PDGFB: variants seen among roughly 807,000 people sequenced by gnomAD.
PDGFB encodes platelet derived growth factor subunit B, also known as platelet-derived growth factor subunit B.
In PDGFB, 6 loss-of-function variants were observed where a neutral mutation model predicts 29.0. The ratio of observed to expected loss-of-function variants is 0.21; its 90% CI spans 0.11 to 0.41. PDGFB has a LOEUF of 0.41. Among genes scored for constraint, PDGFB ranks in the 10% least tolerant of loss-of-function variants. The pLI is 1.00. For synonymous variants in PDGFB, 144 were observed against 140.8 expected, an observed-to-expected ratio of 1.02 and a Z score of -0.16; for missense variants, 299 against 341.8, an observed-to-expected ratio of 0.87 and a Z score of 0.99.
chr22:39,226,986 G>T (rs4990921), intron 5 of PDGFB, among the ~76,000 whole-genome samples: 56,599 of 152,138 alleles, frequency 0.37, 11,060 homozygotes, highest in Middle Eastern at 0.49. Context: ...TAAGATGGAG[G>T]CTCACTCTGT....
At chr22:39,228,157 A>G (rs960680871) in intron 5 of PDGFB, among the ~76,000 whole-genome samples, 1 of 127,354 alleles carries the variant, frequency 7.9e-6, no homozygotes, top group East Asian at 3.8e-4. Flanking sequence ...GGTGACAGAA[A>G]CACCGTCATA....
chr22:39,238,002 C>T (rs1327888522), intron 1 of PDGFB, among the ~76,000 whole-genome samples: 1 of 152,166 alleles, frequency 6.6e-6, no homozygotes, highest in Admixed American at 6.6e-5. Context: ...GGCCCAAAGG[C>T]CTAGTAGCAA....
Position 39,243,781 on chromosome 22 carries a change from G to A in PDGFB, c.63+120C>T, listed in dbSNP as rs965872029. ...AGCCCGAAGAGGTCACCCAGCGCCC[G>A]GCGTCAGGCTCGCGGGCTGCAAGGG... On this transcript the variant is annotated intron_variant, in intron 1 of 6. Coordinates refer to ENST00000331163, the MANE Select transcript of PDGFB (RefSeq NM_002608.4). The surrounding 1 kb of genome is among the most constrained non-coding windows in gnomAD (Gnocchi z 6.4). 7.0e-6 allele frequency: 5 copies of A among 714,102 alleles called. No individual in the cohort carries two copies. The African/African-American group carries it at 7.4e-5, about 11-fold the overall frequency. 44.2% of individuals were successfully genotyped at this position (714,102 alleles called of 1,614,324 possible).
chr22:39,233,472 G>T lies in PDGFB; in HGVS notation c.213C>A (p.Gly71=). ...TTCCACGAGCCAAGCTCTCCAGCTC[G>T]CCTCCAGAGTGGGAGCGGGTCATGT... ...DLNMTRSHSG[G]ELESLARGRR... The change falls in exon 3 of 7, where the codon GGC becomes GGA. Residue 71 remains glycine, a synonymous_variant. Transcript: ENST00000331163. 2 of 1,593,066 alleles carry T rather than the reference G, an allele frequency of 1.3e-6. No homozygotes were observed. The highest frequency in any genetic ancestry group is 1.7e-6 in the Non-Finnish European group (2 of 1,170,724).
chr22:39,235,542 T>C lies in PDGFB; in HGVS notation c.160+236A>G, dbSNP rs879180. Among the ~76,000 whole-genome samples the C allele has an allele frequency of 0.78, 118,891 of 152,150 alleles. 46,677 individuals carry two copies. The highest frequency in any genetic ancestry group is 0.9 in the East Asian group (4,658 of 5,158). The stretch of plus-strand genomic sequence containing the variant: ...CTCCCTCCTCCTGGCACCCCACCCT[T>C]GGCACCAAGCCGGAGCCACACGTGG... On this transcript the variant is annotated intron_variant, in intron 2 of 6. Coordinates refer to ENST00000331163, the MANE Select transcript of PDGFB (RefSeq NM_002608.4).
At chr22:39,236,290 G>A (rs948719227) in intron 1 of PDGFB, among the ~76,000 whole-genome samples, 1 of 152,214 alleles carries the variant, frequency 6.6e-6, no homozygotes, top group Non-Finnish European at 1.5e-5. Flanking sequence ...GAAAACAAAC[G>A]TTCAAAGAGA....
rs1409734750 is a variant in PDGFB, at chr22:39,224,732, G to A, written c.*610C>T. On this transcript the variant is annotated 3_prime_UTR_variant, in exon 7 of 7. Transcript: ENST00000331163. ...GCCACACCCACCAAGAGGAGTCCAC[G>A]TCTTCAAAACGAAAACGAAAAGAAG... is the stretch of plus-strand genomic sequence containing the variant. 2.6e-5 allele frequency: 4 copies of A among 152,404 alleles called. No individual in the cohort carries two copies. The highest frequency in any genetic ancestry group is 2.1e-4 in the South Asian group (1 of 4,806). 9.4% of individuals were successfully genotyped at this position (152,404 alleles called of 1,614,324 possible).
At position 39,242,760 on chromosome 22, in the gene PDGFB, A is replaced by T. The variant is rs987879703; in HGVS notation, c.63+1141T>A. Among the ~76,000 whole-genome samples the T allele has an allele frequency of 7.2e-5, 11 of 151,932 alleles. No homozygotes were observed. The highest frequency in any genetic ancestry group is 1.2e-4 in the Non-Finnish European group (8 of 67,940). On this transcript the variant is annotated intron_variant, in intron 1 of 6. Coordinates refer to ENST00000331163, the MANE Select transcript of PDGFB (RefSeq NM_002608.4). This position sits in a 1 kb window ranked among gnomAD's most constrained non-coding sequence, Gnocchi z 5.7. ...CTGCCTCCTTCCTGCGCCTGGCTGG[A>T]GGCCGCAGGGGCCGACCCTCCCCGG...
intron 5 of PDGFB, 88 bp from the exon 6 acceptor site, chr22:39,225,935 G>T: frequency 6.8e-7 from 1 of 1,470,160 alleles, no homozygotes. Flanking sequence ...GGACCTTCTG[G>T]GCTCAGGAAA....
chr22:39,240,633 C>A (rs896825750), intron 1 of PDGFB, among the ~76,000 whole-genome samples: 3 of 152,182 alleles, frequency 2.0e-5, no homozygotes, highest in Non-Finnish European at 1.5e-5. Context: ...CCCCACCAAC[C>A]CAGCACTAAC....
At chr22:39,240,981 C>G in intron 1 of PDGFB, 2 of 1,275,066 alleles carry the variant, frequency 1.6e-6, no homozygotes, top group Non-Finnish European at 2.3e-6. Context: ...GCACCAGATC[C>G]TCCAAATTCT....
At chr22:39,230,281 C>T (rs886762911) in intron 4 of PDGFB, 53 bp from the exon 5 acceptor site, 19 of 1,597,520 alleles carry the variant, frequency 1.2e-5, no homozygotes, top group African/African-American at 6.7e-5. Context: ...GCCAGGAGCC[C>T]GGGAAGCCCG....
In PDGFB at chr22:39,231,894, G is replaced by A. The variant is rs1197318213; in HGVS notation, c.251-67C>T. On this transcript the variant is annotated intron_variant, in intron 3 of 6. Transcript: ENST00000331163. The surrounding 1 kb of genome is among the most constrained non-coding windows in gnomAD (Gnocchi z 4.3). ...CAGAGTCCCCCCACTTGGCAGGGGA[G>A]CTCAGCGGGTGCCTCCGGGACTGCT... 1.0e-5 allele frequency: 14 copies of A among 1,400,708 alleles called. No individual in the cohort carries two copies. Among genetic ancestry groups the A allele is most frequent in the Non-Finnish European group, 1.3e-5 (13 of 1,017,070 alleles). The allele number at this position is 1,400,708 out of a possible 1,614,324, so 86.8% of individuals were successfully genotyped here.
At position 39,225,255 on chromosome 22, in the gene PDGFB, A is replaced by G. The variant is rs1454436694; in HGVS notation, c.*87T>C. ...ATCGAGACAGACGGACGAGGGAAAC[A>G]ATATTATCACTCCAAGGACCCCATG... On this transcript the variant is annotated 3_prime_UTR_variant, in exon 7 of 7. Transcript: ENST00000331163. 6.5e-6 allele frequency: 1 copy of G among 152,958 alleles called. No homozygotes were observed. The highest frequency in any genetic ancestry group is 2.4e-5 in the African/African-American group (1 of 41,328). 9.5% of individuals were successfully genotyped at this position (152,958 alleles called of 1,614,324 possible). A position where few individuals can be genotyped will look rare whatever the true frequency, so the allele number is the denominator to read the frequency against.
intron 1 of PDGFB, among the ~76,000 whole-genome samples, chr22:39,241,558 C>T (rs898779692): frequency 3.3e-5 from 5 of 152,236 alleles, no homozygotes; most frequent in African/African-American, 1.2e-4. Context: ...CAGCCTCCAC[C>T]CCAGATACAC....
intron 5 of PDGFB, among the ~76,000 whole-genome samples, chr22:39,229,880 C>T (rs1932254770): frequency 6.6e-6 from 1 of 152,210 alleles, no homozygotes; most frequent in African/African-American, 2.4e-5. Flanking sequence ...TGGCAGAGAC[C>T]AGAGAGCCAG....
rs965872029 is a variant in PDGFB, at chr22:39,243,781, G to C, written c.63+120C>G. The C allele has an allele frequency of 3.4e-5, 24 of 714,104 alleles. No individual in the cohort carries two copies. Among genetic ancestry groups the C allele is most frequent in the Non-Finnish European group, 4.7e-5 (21 of 443,758 alleles). 44.2% of individuals were successfully genotyped at this position (714,104 alleles called of 1,614,324 possible). A position where few individuals can be genotyped will look rare whatever the true frequency, so the allele number is the denominator to read the frequency against. ...AGCCCGAAGAGGTCACCCAGCGCCC[G>C]GCGTCAGGCTCGCGGGCTGCAAGGG... On this transcript the variant is annotated intron_variant, in intron 1 of 6. Transcript: ENST00000331163. The surrounding 1 kb of genome is among the most constrained non-coding windows in gnomAD (Gnocchi z 6.4).
At position 39,231,570 on chromosome 22, in the gene PDGFB, G is replaced by T. The variant is rs954416630; in HGVS notation, c.456+52C>A. On this transcript the variant is annotated intron_variant, in intron 4 of 6. Transcript: ENST00000331163. This position sits in a 1 kb window ranked among gnomAD's most constrained non-coding sequence, Gnocchi z 4.3. ...GGTCAGGTATGAGCCCCAGAAGGGT[G>T]GTCTCCACCCACCACCGGGACCAGC... 2.2e-6 allele frequency: 3 copies of T among 1,354,618 alleles called. No homozygotes were observed. 83.9% of individuals were successfully genotyped at this position (1,354,618 alleles called of 1,614,324 possible).
rs554958347 is a variant in PDGFB at position 39,242,371 on chromosome 22, G to A, written c.63+1530C>T. ...CACGGGGCGCCGCCGTTCCCAGGAC[G>A]CCCTGGCACCGGGCCCAGCCCCCAG... On this transcript the variant is annotated intron_variant, in intron 1 of 6. Transcript: ENST00000331163. The surrounding 1 kb of genome is among the most constrained non-coding windows in gnomAD (Gnocchi z 5.7). 2 of 206,782 alleles carry A rather than the reference G, an allele frequency of 9.7e-6. No individual in the cohort carries two copies. The highest frequency in any genetic ancestry group is 3.8e-4 in the South Asian group (2 of 5,330). The allele number at this position is 206,782 out of a possible 1,614,324, so 12.8% of individuals were successfully genotyped here.
Sources: allele counts gnomAD v4.1 joint callset (sites outside exome capture counted in the v4.1 genomes callset), GRCh38; gene constraint gnomAD v4.1.1; non-coding constraint Gnocchi (gnomAD v3.1); transcripts MANE v1.5; gene names NCBI Gene and HGNC (gene_info 2026-07-23, HGNC 2026-07-21).